Variants in CAPRIN2 observed in about 807,000 individuals in gnomAD.
The protein encoded by CAPRIN2 is caprin family member 2.
Under a neutral mutation model 130.4 loss-of-function variants are expected in CAPRIN2, and 66 were observed. The observed-to-expected ratio is 0.51, with a 90% CI of 0.42 to 0.62. The LOEUF is 0.62. Among genes scored for constraint, CAPRIN2 ranks in the 20% least tolerant of loss-of-function variants. The pLI is 0.00. For missense variants in CAPRIN2, 1,185 were observed against 1,246.6 expected (o/e 0.95, Z 0.74); for synonymous variants, 471 against 444.1 (o/e 1.06, Z -0.76).
chr12:30,729,211 G>T, exon 8 of CAPRIN2: 1 of 1,613,924 alleles, frequency 6.2e-7, no homozygotes, highest in Non-Finnish European at 8.5e-7. Context: ...GGTTCAGTAA[G>T]CATATCCCAA....
At chr12:30,730,535 A>G (rs1045599112) in intron 6 of CAPRIN2, among the ~76,000 whole-genome samples, 25 of 152,218 alleles carry the variant, frequency 1.6e-4, no homozygotes, top group Non-Finnish European at 2.4e-4. Context: ...TTTAAAACTG[A>G]TATCTGATTG....
chr12:30,709,669 A>G (rs1281884601), exon 17 of CAPRIN2: 3 of 473,962 alleles, frequency 6.3e-6, no homozygotes, highest in African/African-American at 1.9e-5. Flanking sequence ...AACAATATAC[A>G]TTCACAGCTT....
rs1417706879 is a variant in CAPRIN2, at chr12:30,751,936, T to G, written c.421-803A>C. 5.6e-5 allele frequency among the ~76,000 whole-genome samples: 5 copies of G among 89,488 alleles called. No homozygotes were observed. The East Asian group carries it at 8.5e-4, about 15-fold the overall frequency. 58.7% of individuals were successfully genotyped at this position (89,488 alleles called of 152,430 possible). On this transcript the variant is annotated intron_variant, in intron 1 of 16. Transcript: ENST00000298892. Reference sequence around the variant, plus strand: ...TTTTTTTTTTTTTTTTTTTTTTTTTTGAGACAGAATTTCACTCCGTTGCCC... The same window carrying G: ...TTTTTTTTTTTTTTTTTTTTTTTTTGGAGACAGAATTTCACTCCGTTGCCC...
intron 3 of CAPRIN2, among the ~76,000 whole-genome samples, chr12:30,736,207 G>C: frequency 1.3e-5 from 2 of 151,442 alleles, no homozygotes; most frequent in Middle Eastern, 6.8e-3. Flanking sequence ...CCCTAGATCT[G>C]CTCTAAAGCT....
At chr12:30,724,320 T>C (rs372200798) in intron 10 of CAPRIN2, 50 bp downstream of exon 11, 4 of 1,054,602 alleles carry the variant, frequency 3.8e-6, no homozygotes, top group African/African-American at 3.2e-5. Context: ...CAACAACAAA[T>C]AGCTGTTAGC....
intron 12 of CAPRIN2, 93 bp from the exon 15 acceptor site, chr12:30,716,769 T>A: frequency 8.9e-7 from 1 of 1,126,642 alleles, no homozygotes; most frequent in Non-Finnish European, 1.3e-6. Context: ...CAAAAACTTC[T>A]ATTTTGCAGG....
exon 12 of CAPRIN2, chr12:30,720,850 A>G (rs745466108): frequency 1.2e-6 from 2 of 1,613,702 alleles, no homozygotes; most frequent in Non-Finnish European, 1.7e-6. Context: ...TTTCAGATCC[A>G]GAAGAAGCCT....
chr12:30,753,404 G>A lies in CAPRIN2; in HGVS notation c.360C>T (p.Thr120=). 1.9e-6 allele frequency: 3 copies of A among 1,613,830 alleles called. No individual in the cohort carries two copies. The South Asian group carries it at 3.3e-5, about 18-fold the overall frequency. The change falls in exon 1 of 17, where the codon ACC becomes ACT. Residue 120 remains threonine, a synonymous_variant. Coordinates refer to ENST00000298892, the Ensembl canonical transcript of CAPRIN2. ...GGCATATGAGTCCATTTTCAATATA[G>A]GTCTCATACGCTTGGGAAGGAGATG...
At position 30,719,065 on chromosome 12, in the gene CAPRIN2, T is replaced by C; in HGVS notation, c.2148+1746A>G. 1 of 1,611,264 alleles carries C rather than the reference T, an allele frequency of 6.2e-7. No homozygotes were observed. The highest frequency in any genetic ancestry group is 8.5e-7 in the Non-Finnish European group (1 of 1,178,196). On this transcript the variant is annotated intron_variant, in intron 12 of 16. Coordinates refer to ENST00000298892, the Ensembl canonical transcript of CAPRIN2. ...AATAATGAACTGCAATCATCATTCA[T>C]GTTTCATACTCACTGTCTGCATGGC...
At chr12:30,714,731 A>T (rs929515042) in intron 14 of CAPRIN2, among the ~76,000 whole-genome samples, 10 of 152,252 alleles carry the variant, frequency 6.6e-5, no homozygotes, top group African/African-American at 2.2e-4. Context: ...CAATATGGTG[A>T]AACTTTCCAC....
rs2054158073 is a variant in CAPRIN2 at position 30,710,856 on chromosome 12, G to A, written c.2666-386C>T. Among the ~76,000 whole-genome samples, 1 of 152,142 alleles carries A rather than the reference G, an allele frequency of 6.6e-6. No individual in the cohort carries two copies. The highest frequency in any genetic ancestry group is 2.4e-5 in the African/African-American group (1 of 41,430). ...TAATGTAGAAGGTCTCAAGAAAATG[G>A]AGACTACATAAAAGAACCAATTTTT... On this transcript the variant is annotated intron_variant, in intron 16 of 16. Transcript: ENST00000298892. This position sits in a 1 kb window ranked among gnomAD's most constrained non-coding sequence, Gnocchi z 4.8.
chr12:30,744,091 C>T (rs1285997731), intron 2 of CAPRIN2, among the ~76,000 whole-genome samples: 1 of 152,154 alleles, frequency 6.6e-6, no homozygotes, highest in Admixed American at 6.5e-5. Flanking sequence ...ACTGTTCAAG[C>T]AAGAAACCTG....
intron 15 of CAPRIN2, 120 bp from the exon 18 acceptor site, chr12:30,711,749 C>T (rs1350016232): frequency 5.0e-6 from 4 of 793,540 alleles, no homozygotes; most frequent in Non-Finnish European, 8.8e-6. Flanking sequence ...CTGGCCTTCC[C>T]CAGCAACCAA....
intron 8 of CAPRIN2, among the ~76,000 whole-genome samples, chr12:30,726,378 T>A (rs2060924705): frequency 6.6e-6 from 1 of 152,152 alleles, no homozygotes. Context: ...TGAGTTACCA[T>A]ATGTCCTCTA....
At chr12:30,742,839 T>C (rs1293964521) in intron 2 of CAPRIN2, among the ~76,000 whole-genome samples, 2 of 152,182 alleles carry the variant, frequency 1.3e-5, no homozygotes, top group Non-Finnish European at 2.9e-5. Flanking sequence ...TTATGTGTTT[T>C]AACTTATATG....
At chr12:30,728,848 A>G (rs1418338731) in exon 8 of CAPRIN2, 2 of 1,614,088 alleles carry the variant, frequency 1.2e-6, no homozygotes, top group Non-Finnish European at 8.5e-7. Flanking sequence ...GTGGTCCATG[A>G]CTTGGTGGTG....
At chr12:30,749,962 CT>C (rs1165312340) in intron 2 of CAPRIN2, among the ~76,000 whole-genome samples, 1 of 152,192 alleles carries the variant, frequency 6.6e-6, no homozygotes, top group African/African-American at 2.4e-5. Context: ...CTCCAACCCC[CT>C]CTCCCCGATG....
Position 30,710,004 on chromosome 12 carries a change from G to A in CAPRIN2, c.3132C>T (p.Leu1044=). The A allele has an allele frequency of 6.2e-7, 1 of 1,614,134 alleles. No homozygotes were observed. The highest frequency in any genetic ancestry group is 1.1e-5 in the South Asian group (1 of 91,080). ...GTAACCATATCTGGTCTCCCTGGAAGAGCTGAAGAATTGCATGATTGCTAG... is the reference window on the plus strand; with the variant it reads ...GTAACCATATCTGGTCTCCCTGGAAAAGCTGAAGAATTGCATGATTGCTAG... Residue 1044 remains leucine (L), a synonymous_variant, in exon 17 of 17, where the codon CTC becomes CTT. Coordinates refer to ENST00000298892, the Ensembl canonical transcript of CAPRIN2. The surrounding 1 kb of genome is among the most constrained non-coding windows in gnomAD (Gnocchi z 4.8).
intron 15 of CAPRIN2, among the ~76,000 whole-genome samples, chr12:30,713,369 T>C (rs2056020915): frequency 6.6e-6 from 1 of 152,180 alleles, no homozygotes; most frequent in Non-Finnish European, 1.5e-5. Flanking sequence ...ACATTTGCTA[T>C]TTAGGCAAGT....
Sources: allele counts gnomAD v4.1 joint callset (sites outside exome capture counted in the v4.1 genomes callset), GRCh38; gene constraint gnomAD v4.1.1; non-coding constraint Gnocchi (gnomAD v3.1); transcripts MANE v1.5; gene names NCBI Gene and HGNC (gene_info 2026-07-23, HGNC 2026-07-21).